C3orf70: variants seen among roughly 807,000 people sequenced by gnomAD.
The protein encoded by C3orf70 is UPF0524 protein C3orf70.
In C3orf70, 15 loss-of-function variants were observed where a neutral mutation model predicts 20.7. That is an observed-to-expected ratio of 0.72 (90% confidence interval 0.48 to 1.11). The LOEUF is 1.11. C3orf70 is among the 50% of genes most tolerant of loss of function. The pLI, the probability that C3orf70 is intolerant of heterozygous loss-of-function variation, is 0.00. For synonymous variants in C3orf70, 161 were observed against 125.7 expected (o/e 1.28, Z -1.88); for missense variants, 332 against 317.6 (o/e 1.05, Z -0.34).
chr3:185,117,934 G>A (rs1561350826), intron 1 of C3orf70, among the ~76,000 whole-genome samples: 1 of 152,132 alleles, frequency 6.6e-6, no homozygotes, highest in Non-Finnish European at 1.5e-5. Flanking sequence ...GTCAGGTTTA[G>A]TGTTACTTCC....
At chr3:185,149,886 T>C (rs1274023394) in intron 1 of C3orf70, among the ~76,000 whole-genome samples, 1 of 152,212 alleles carries the variant, frequency 6.6e-6, no homozygotes, top group Non-Finnish European at 1.5e-5. Context: ...GACAGTCCAG[T>C]ATACTTGACG....
At chr3:185,100,116 AC>A (rs1432163689) in intron 1 of C3orf70, among the ~76,000 whole-genome samples, 1 of 152,086 alleles carries the variant, frequency 6.6e-6, no homozygotes, top group East Asian at 1.9e-4. Flanking sequence ...AGACTTCAAC[AC>A]CCCACCAACA....
At chr3:185,122,495 A>G (rs1042572351) in intron 1 of C3orf70, among the ~76,000 whole-genome samples, 1 of 152,244 alleles carries the variant, frequency 6.6e-6, no homozygotes, top group Non-Finnish European at 1.5e-5. Flanking sequence ...ATCCGAGGAT[A>G]GTTGCATCAC....
chr3:185,081,040 T>C lies in C3orf70; in HGVS notation c.*1967A>G, dbSNP rs6773358. 15,804 of 152,232 alleles carry C rather than the reference T, an allele frequency of 0.1. 927 individuals carry two copies. Among genetic ancestry groups the C allele is most frequent in the African/African-American group, 0.15 (6,353 of 41,528 alleles). The allele number at this position is 152,232 out of a possible 1,614,324, so 9.4% of individuals were successfully genotyped here. On this transcript the variant is annotated 3_prime_UTR_variant, in exon 2 of 2. Coordinates refer to ENST00000335012, the MANE Select transcript of C3orf70 (RefSeq NM_001025266.3). ...TCTATCTAGTAAACGACTTAAATTA[T>C]ACATACAACTGGGAAAGCAAATTCT... is the stretch of plus-strand genomic sequence containing the variant.
intron 1 of C3orf70, among the ~76,000 whole-genome samples, chr3:185,122,528 T>C (rs1716325911): frequency 6.6e-6 from 1 of 152,236 alleles, no homozygotes; most frequent in Non-Finnish European, 1.5e-5. Context: ...TATTACCTTG[T>C]TATTGTCTTT....
At chr3:185,122,098 C>CAAA (rs759419036) in intron 1 of C3orf70, among the ~76,000 whole-genome samples, 1 of 59,006 alleles carries the variant, frequency 1.7e-5, no homozygotes, top group African/African-American at 5.9e-5. Context: ...GACTCCGTCT[C>CAAA]AAAAAAAAAA....
intron 1 of C3orf70, among the ~76,000 whole-genome samples, chr3:185,146,445 AC>A (rs1247322819): frequency 6.6e-6 from 1 of 151,556 alleles, no homozygotes; most frequent in African/African-American, 2.4e-5. Context: ...GTGCCACCAC[AC>A]CCAGCTAGTT....
chr3:185,114,470 G>A (rs918744101), intron 1 of C3orf70, among the ~76,000 whole-genome samples: 14 of 152,068 alleles, frequency 9.2e-5, no homozygotes, highest in African/African-American at 3.4e-4. Flanking sequence ...CCAGCTCAAG[G>A]TATTATAATT....
At chr3:185,089,545 A>T (rs1260014243) in intron 1 of C3orf70, among the ~76,000 whole-genome samples, 1 of 152,190 alleles carries the variant, frequency 6.6e-6, no homozygotes, top group African/African-American at 2.4e-5. Flanking sequence ...TACTCCTGTG[A>T]AGTGGAATCT....
At position 185,083,026 on chromosome 3, in the gene C3orf70, G is replaced by A. The variant is rs775400044; in HGVS notation, c.734C>T (p.Thr245Met). 5.6e-6 allele frequency: 9 copies of A among 1,613,732 alleles called. No homozygotes were observed. Among genetic ancestry groups the A allele is most frequent in the East Asian group, 4.5e-5 (2 of 44,888 alleles). The change falls in exon 2 of 2, where the codon ACG becomes ATG. Residue 245 changes from threonine (T) to methionine (M), a missense_variant. Transcript: ENST00000335012. Reference protein sequence around the residue: ...PSQSDLEVIETIETTV With the variant: ...PSQSDLEVIEMIETTV ...GGACTCTCACACAGTCGTTTCTATCGTTTCAATCACTTCCAGGTCAGACTG... is the reference window on the plus strand; with the variant it reads ...GGACTCTCACACAGTCGTTTCTATCATTTCAATCACTTCCAGGTCAGACTG...
rs1715372647 is a variant in C3orf70 at position 185,082,824 on chromosome 3, A to C, written c.*183T>G. The C allele has an allele frequency of 1.6e-6, 1 of 611,306 alleles. No individual in the cohort carries two copies. Among genetic ancestry groups the C allele is most frequent in the African/African-American group, 1.8e-5 (1 of 54,494 alleles). The allele number at this position is 611,306 out of a possible 1,614,324, so 37.9% of individuals were successfully genotyped here. A position where few individuals can be genotyped will look rare whatever the true frequency, so the allele number is the denominator to read the frequency against. Reference sequence around the variant, plus strand: ...ATACAAAAGAAAACTGTTTATAATAAAAAGAATGTCTTAGTTGTAAGACGG... The same window carrying C: ...ATACAAAAGAAAACTGTTTATAATACAAAGAATGTCTTAGTTGTAAGACGG... On this transcript the variant is annotated 3_prime_UTR_variant, in exon 2 of 2. Coordinates refer to ENST00000335012, the MANE Select transcript of C3orf70 (RefSeq NM_001025266.3).
In C3orf70 at chr3:185,083,122, A is replaced by T; in HGVS notation, c.638T>A (p.Leu213Gln). 6.2e-7 allele frequency: 1 copy of T among 1,614,138 alleles called. No individual in the cohort carries two copies. The highest frequency in any genetic ancestry group is 8.5e-7 in the Non-Finnish European group (1 of 1,180,024). The change falls in exon 2 of 2, where the codon CTG (leucine) becomes CAG (glutamine). Residue 213 changes from leucine (L) to glutamine (Q), a missense_variant. By Grantham distance (113) the Leu-to-Gln change is moderately radical (BLOSUM62 -2). Transcript: ENST00000335012. ...CDEDTEEGAE[L>Q]SSEEDYSPES... ...TGGACTGTAATCTTCCTCTGAACTCAGTTCTGCTCCTTCTTCTGTGTCCTC... is the reference window on the plus strand; with the variant it reads ...TGGACTGTAATCTTCCTCTGAACTCTGTTCTGCTCCTTCTTCTGTGTCCTC...
chr3:185,103,638 T>G (rs961516560), intron 1 of C3orf70, among the ~76,000 whole-genome samples: 1 of 151,992 alleles, frequency 6.6e-6, no homozygotes, highest in East Asian at 1.9e-4. Context: ...AAAACCACAA[T>G]GAGATACCAT....
rs1176942874 is a variant in C3orf70 at position 185,077,689 on chromosome 3, A to G, written c.*5318T>C. 6.7e-6 allele frequency among the ~76,000 whole-genome samples: 1 copy of G among 150,082 alleles called. No individual in the cohort carries two copies. Among genetic ancestry groups the G allele is most frequent in the Non-Finnish European group, 1.5e-5 (1 of 67,832 alleles). On this transcript the variant is annotated 3_prime_UTR_variant, in exon 2 of 2. Transcript: ENST00000335012. The stretch of plus-strand genomic sequence containing the variant: ...GGGCAGCAGCCTCCCTCGATGCCTG[A>G]TCTTCAGTTAGAACTGCAGCCAACA...
intron 1 of C3orf70, among the ~76,000 whole-genome samples, chr3:185,124,701 T>C (rs1214630163): frequency 6.6e-6 from 1 of 152,090 alleles, no homozygotes; most frequent in Admixed American, 6.5e-5. Context: ...ATCATTACAA[T>C]GTAAAACTCC....
chr3:185,092,326 A>G (rs1407172187), intron 1 of C3orf70, among the ~76,000 whole-genome samples: 1 of 152,078 alleles, frequency 6.6e-6, no homozygotes, highest in Non-Finnish European at 1.5e-5. Flanking sequence ...TCTTGGCTGC[A>G]TTTGGCCATC....
At chr3:185,137,214 G>A (rs969749705) in intron 1 of C3orf70, among the ~76,000 whole-genome samples, 6 of 152,178 alleles carry the variant, frequency 3.9e-5, no homozygotes, top group South Asian at 2.1e-4. Context: ...CGCCATCCAC[G>A]TAAGATGTGA....
chr3:185,102,840 A>G (rs1393348800), intron 1 of C3orf70, among the ~76,000 whole-genome samples: 6 of 152,248 alleles, frequency 3.9e-5, no homozygotes, highest in Non-Finnish European at 7.3e-5. Flanking sequence ...TGCTTAGATA[A>G]CTGGCTACCC....
intron 1 of C3orf70, among the ~76,000 whole-genome samples, chr3:185,118,806 A>C (rs1716234210): frequency 3.3e-5 from 5 of 152,204 alleles, no homozygotes; most frequent in Admixed American, 3.3e-4. Flanking sequence ...AAAACAGAAA[A>C]GTTGAATATT....
Sources: gnomAD v4.1 joint callset for allele counts (sites outside exome capture counted in the v4.1 genomes callset) on GRCh38, gnomAD v4.1.1 for gene constraint, MANE v1.5 for transcripts, NCBI Gene and HGNC (gene_info 2026-07-23, HGNC 2026-07-21) for gene names.